SH3RF1: variants seen among roughly 807,000 people sequenced by gnomAD.
SH3RF1 encodes E3 ubiquitin-protein ligase SH3RF1.
SH3RF1 carries 32 observed loss-of-function variants against 74.0 expected under a neutral mutation model. That is an observed-to-expected ratio of 0.43 (90% CI 0.33 to 0.58). The LOEUF (loss-of-function observed/expected upper bound fraction) is 0.58. Ranked by LOEUF, SH3RF1 falls within the 20% of genes least tolerant of loss-of-function variation. SH3RF1 has a pLI of 0.05. For synonymous variants in SH3RF1, 396 were observed against 439.6 expected (o/e 0.90, Z 1.24); for missense variants, 954 against 1,130.9 (o/e 0.84, Z 2.24).
At chr4:169,249,835 TG>T (rs1731069562) in intron 2 of SH3RF1, among the ~76,000 whole-genome samples, 1 of 152,164 alleles carries the variant, frequency 6.6e-6, no homozygotes, top group East Asian at 1.9e-4. Context: ...TTCAATGAGT[TG>T]TACATATAAC....
rs140146462 is a variant in SH3RF1 at position 169,183,342 on chromosome 4, G to A, written c.394-26663C>T. On this transcript the variant is annotated intron_variant, in intron 2 of 11. Transcript: ENST00000284637. ...TGTCCCCAGGCTGGAGTTCAATGGC[G>A]TGATCCTGGCTCACTGCAACCTCCG... 1.1e-4 allele frequency among the ~76,000 whole-genome samples: 16 copies of A among 152,260 alleles called. No homozygotes were observed. The East Asian group carries it at 2.7e-3, about 26-fold the overall frequency.
chr4:169,149,806 T>G (rs2126961542), intron 4 of SH3RF1, among the ~76,000 whole-genome samples: 1 of 152,342 alleles, frequency 6.6e-6, no homozygotes, highest in South Asian at 2.1e-4. Context: ...AATCAACTCT[T>G]TGATTATTAG....
At chr4:169,141,907 G>A (rs1733793731) in intron 4 of SH3RF1, among the ~76,000 whole-genome samples, 1 of 151,024 alleles carries the variant, frequency 6.6e-6, no homozygotes, top group Admixed American at 6.6e-5. Context: ...CTGCCTCCCA[G>A]GTTCACGTCA....
At chr4:169,145,730 G>C (rs1733865058) in intron 4 of SH3RF1, among the ~76,000 whole-genome samples, 1 of 145,734 alleles carries the variant, frequency 6.9e-6, no homozygotes, top group Non-Finnish European at 1.5e-5. Flanking sequence ...TTACAGGTGT[G>C]AGCCACCGCC....
chr4:169,159,027 G>C (rs1734107740), intron 2 of SH3RF1, among the ~76,000 whole-genome samples: 1 of 152,166 alleles, frequency 6.6e-6, no homozygotes, highest in African/African-American at 2.4e-5. Flanking sequence ...GCCTTCCAGA[G>C]TAATGACACC....
At chr4:169,170,328 C>T (rs556782809) in intron 2 of SH3RF1, among the ~76,000 whole-genome samples, 1 of 152,174 alleles carries the variant, frequency 6.6e-6, no homozygotes, top group South Asian at 2.1e-4. Flanking sequence ...AGAGCCCATG[C>T]GTGCACCTGA....
chr4:169,117,625 C>A lies in SH3RF1; in HGVS notation c.1675G>T (p.Val559Leu). The A allele has an allele frequency of 2.5e-6, 4 of 1,614,214 alleles. No individual in the cohort carries two copies. Among genetic ancestry groups the A allele is most frequent in the Non-Finnish European group, 3.4e-6 (4 of 1,180,032 alleles). ...AGSPSVVPAAVVSAAHIQTSP... is the reference protein window; with the variant it reads ...AGSPSVVPAALVSAAHIQTSP... Reference sequence around the variant, plus strand: ...GTCTGGATGTGAGCTGCTGATACCACAGCTGCGGGGACAACACTGGGACTC... The same window carrying A: ...GTCTGGATGTGAGCTGCTGATACCAAAGCTGCGGGGACAACACTGGGACTC... Residue 559 changes from valine to leucine, a missense_variant, in exon 9 of 12, where the codon GTG becomes TTG. Val to Leu is a conservative substitution (Grantham distance 32, BLOSUM62 1). Transcript: ENST00000284637.
At chr4:169,126,940 G>T (rs1733534745) in intron 6 of SH3RF1, among the ~76,000 whole-genome samples, 1 of 152,062 alleles carries the variant, frequency 6.6e-6, no homozygotes, top group Non-Finnish European at 1.5e-5. Flanking sequence ...GGCCATGAGT[G>T]GTATTTACCT....
intron 2 of SH3RF1, among the ~76,000 whole-genome samples, chr4:169,176,457 A>G (rs1044050878): frequency 6.6e-6 from 1 of 152,244 alleles, no homozygotes; most frequent in South Asian, 2.1e-4. Flanking sequence ...TGGGTGATCA[A>G]TTTTAACCGA....
chr4:169,259,638 A>G (rs1731245104), intron 2 of SH3RF1, among the ~76,000 whole-genome samples: 1 of 152,212 alleles, frequency 6.6e-6, no homozygotes, highest in African/African-American at 2.4e-5. Flanking sequence ...AGCAGAAGAT[A>G]CATGTACTCT....
intron 2 of SH3RF1, among the ~76,000 whole-genome samples, chr4:169,186,342 CTTAAAAG>C (rs1030804563): frequency 6.6e-6 from 1 of 151,692 alleles, no homozygotes; most frequent in African/African-American, 2.4e-5. Context: ...TACCCATGAA[CTTAAAAG>C]TTAAAAAAAA....
intron 2 of SH3RF1, among the ~76,000 whole-genome samples, chr4:169,219,328 T>A (rs1730523817): frequency 6.6e-6 from 1 of 152,166 alleles, no homozygotes; most frequent in African/African-American, 2.4e-5. Flanking sequence ...CTTGATGTAT[T>A]CAAGAAAGTA....
chr4:169,216,249 A>T (rs184182590), intron 2 of SH3RF1, among the ~76,000 whole-genome samples: 2 of 152,322 alleles, frequency 1.3e-5, no homozygotes, highest in Admixed American at 6.5e-5. Flanking sequence ...AAATAAAGAA[A>T]TAAAAATAAA....
At chr4:169,098,721 G>T (rs766858564) in intron 11 of SH3RF1, among the ~76,000 whole-genome samples, 1 of 152,182 alleles carries the variant, frequency 6.6e-6, no homozygotes, top group Non-Finnish European at 1.5e-5. Flanking sequence ...ATGACACAGC[G>T]GGAGAAACAC....
At chr4:169,205,986 A>G (rs1214438351) in intron 2 of SH3RF1, among the ~76,000 whole-genome samples, 1 of 152,220 alleles carries the variant, frequency 6.6e-6, no homozygotes, top group Non-Finnish European at 1.5e-5. Context: ...TAACATCACA[A>G]AAACAATATA....
chr4:169,202,297 C>T (rs1264281206), intron 2 of SH3RF1, among the ~76,000 whole-genome samples: 1 of 152,188 alleles, frequency 6.6e-6, no homozygotes, highest in African/African-American at 2.4e-5. Flanking sequence ...GTTTACCTCC[C>T]TCCGTAGGAG....
intron 10 of SH3RF1, among the ~76,000 whole-genome samples, chr4:169,111,659 T>C (rs1351353855): frequency 6.6e-6 from 1 of 152,150 alleles, no homozygotes; most frequent in African/African-American, 2.4e-5. Context: ...TGGAGATTAG[T>C]TGATCAAATA....
intron 2 of SH3RF1, among the ~76,000 whole-genome samples, chr4:169,179,248 A>G (rs981928762): frequency 6.6e-6 from 1 of 152,154 alleles, no homozygotes; most frequent in Admixed American, 6.6e-5. Flanking sequence ...ACAAAAGGAG[A>G]GGACCACAAG....
At chr4:169,132,331 T>C (rs957603127) in intron 5 of SH3RF1, among the ~76,000 whole-genome samples, 1 of 152,192 alleles carries the variant, frequency 6.6e-6, no homozygotes, top group East Asian at 1.9e-4. Flanking sequence ...ACCTCATGGT[T>C]TTGGGATAAG....
Sources: gnomAD v4.1 joint callset for allele counts (sites outside exome capture counted in the v4.1 genomes callset) on GRCh38, gnomAD v4.1.1 for gene constraint, MANE v1.5 for transcripts, NCBI Gene and HGNC (gene_info 2026-07-23, HGNC 2026-07-21) for gene names.